CDH18: variants seen among roughly 807,000 people sequenced by gnomAD.
CDH18 encodes the protein cadherin 18, also known as cadherin-18.
A neutral mutation model predicts 67.9 loss-of-function variants in CDH18; 31 were observed. That is an observed-to-expected ratio of 0.46 (90% CI 0.34 to 0.62). The LOEUF (loss-of-function observed/expected upper bound fraction) is 0.62, where lower values mean the gene tolerates loss of function less well. CDH18 is among the 20% of genes least tolerant of loss of function. The pLI is 0.01. For synonymous variants in CDH18, 362 were observed against 347.2 expected, an observed-to-expected ratio of 1.04 and a Z score of -0.48; for missense variants, 890 against 975.5, an observed-to-expected ratio of 0.91 and a Z score of 1.17.
At chr5:19,969,827 T>G (rs887044944) in intron 2 of CDH18, among the ~76,000 whole-genome samples, 4 of 152,048 alleles carry the variant, frequency 2.6e-5, no homozygotes, top group African/African-American at 9.7e-5. Context: ...ACATGTACCC[T>G]AAAACTTAAA....
chr5:20,479,879 A>G (rs1221519335), intron 1 of CDH18, among the ~76,000 whole-genome samples: 1 of 152,202 alleles, frequency 6.6e-6, no homozygotes, highest in Non-Finnish European at 1.5e-5. Context: ...GTAACCTAAA[A>G]GCAGCAAGAG....
At chr5:20,455,307 A>T (rs914242657) in intron 1 of CDH18, among the ~76,000 whole-genome samples, 2 of 152,068 alleles carry the variant, frequency 1.3e-5, no homozygotes, top group East Asian at 3.9e-4. Context: ...GCATGTTCAG[A>T]TTTATAATTT....
At chr5:19,778,719 A>T (rs553369725) in intron 3 of CDH18, among the ~76,000 whole-genome samples, 2 of 152,232 alleles carry the variant, frequency 1.3e-5, no homozygotes, top group South Asian at 4.1e-4. Context: ...AGACCCAAAA[A>T]ATACAGTGGA....
At chr5:20,470,614 C>T (rs1243073997) in intron 1 of CDH18, among the ~76,000 whole-genome samples, 1 of 152,108 alleles carries the variant, frequency 6.6e-6, no homozygotes, top group African/African-American at 2.4e-5. Context: ...ACCTTCACTT[C>T]TGTTAGTATA....
At chr5:20,134,401 G>A (rs1011482832) in intron 2 of CDH18, among the ~76,000 whole-genome samples, 2 of 152,074 alleles carry the variant, frequency 1.3e-5, no homozygotes, top group African/African-American at 4.8e-5. Context: ...TCTAAGCTGT[G>A]TCTAGTCTAC....
chr5:19,583,761 T>C (rs1261512293), intron 7 of CDH18, among the ~76,000 whole-genome samples: 1 of 152,146 alleles, frequency 6.6e-6, no homozygotes. Context: ...CCCTGTAAAG[T>C]GCTTAAACAA....
chr5:20,497,736 C>T (rs1753995417), intron 1 of CDH18, among the ~76,000 whole-genome samples: 1 of 151,992 alleles, frequency 6.6e-6, no homozygotes, highest in South Asian at 2.1e-4. Flanking sequence ...ATAAAAGAGA[C>T]CCTCATGAGA....
chr5:19,897,289 G>C (rs1368529961), intron 2 of CDH18, among the ~76,000 whole-genome samples: 1 of 152,054 alleles, frequency 6.6e-6, no homozygotes, highest in South Asian at 2.1e-4. Context: ...CTTCACTAGA[G>C]TGATATCCCA....
At chr5:19,914,060 C>T (rs1384041249) in intron 2 of CDH18, among the ~76,000 whole-genome samples, 1 of 151,958 alleles carries the variant, frequency 6.6e-6, no homozygotes, top group Non-Finnish European at 1.5e-5. Context: ...ATTTAGCTCA[C>T]AAAAAGGAAA....
chr5:19,747,583 C>A (rs1158459101), intron 3 of CDH18, among the ~76,000 whole-genome samples: 1 of 151,930 alleles, frequency 6.6e-6, no homozygotes, highest in African/African-American at 2.4e-5. Flanking sequence ...TTATTGTTGC[C>A]TTCCATACTT....
chr5:20,403,539 G>A (rs188213176), intron 1 of CDH18, among the ~76,000 whole-genome samples: 1 of 152,130 alleles, frequency 6.6e-6, no homozygotes, highest in African/African-American at 2.4e-5. Flanking sequence ...TTTCAGTCAG[G>A]GTTTTGGGGG....
chr5:19,686,891 T>C (rs1039239267), intron 5 of CDH18, among the ~76,000 whole-genome samples: 4 of 152,150 alleles, frequency 2.6e-5, no homozygotes, highest in Non-Finnish European at 4.4e-5. Context: ...TGGAATTTAA[T>C]AACATTACAA....
rs541500190 is a variant in CDH18, at chr5:20,168,706, G to A, written c.-518+86738C>T. 2.6e-5 allele frequency among the ~76,000 whole-genome samples: 4 copies of A among 152,104 alleles called. No homozygotes were observed. The East Asian group carries it at 7.7e-4, about 29-fold the overall frequency. On this transcript the variant is annotated intron_variant, in intron 2 of 14. Coordinates refer to the CDH18 transcript ENST00000507958. Reference sequence around the variant, plus strand: ...AGAGTATTCCAGTATATTTTTTAAAGACACTTACAATAGCTAAGATTTGGA... The same window carrying A: ...AGAGTATTCCAGTATATTTTTTAAAAACACTTACAATAGCTAAGATTTGGA...
chr5:20,304,688 A>G (rs997884535), intron 1 of CDH18: 2 of 1,611,456 alleles, frequency 1.2e-6, no homozygotes, highest in African/African-American at 2.7e-5. Context: ...TTCTTTTCAG[A>G]TGTCAGCTCC....
chr5:19,872,194 G>A (rs985542551), intron 2 of CDH18, among the ~76,000 whole-genome samples: 2 of 152,136 alleles, frequency 1.3e-5, no homozygotes, highest in Non-Finnish European at 2.9e-5. Context: ...ATTGGCAAGT[G>A]AGATTAGTCA....
At chr5:20,393,879 T>A (rs930648957) in intron 1 of CDH18, among the ~76,000 whole-genome samples, 50 of 151,898 alleles carry the variant, frequency 3.3e-4, no homozygotes, top group African/African-American at 1.2e-3. Flanking sequence ...AGGAGAACTA[T>A]GAAACACTGC....
intron 1 of CDH18, among the ~76,000 whole-genome samples, chr5:20,475,574 T>C (rs1004029321): frequency 2.1e-4 from 32 of 152,358 alleles, no homozygotes; most frequent in African/African-American, 7.0e-4. Context: ...TTGCAGGGTA[T>C]GTATGTCTGT....
intron 6 of CDH18, among the ~76,000 whole-genome samples, chr5:19,610,871 T>C (rs1405526821): frequency 1.3e-5 from 2 of 152,270 alleles, no homozygotes; most frequent in East Asian, 1.9e-4. Context: ...CAATAAAATA[T>C]GGACTTACCT....
At chr5:20,321,758 G>A (rs950295992) in intron 1 of CDH18, among the ~76,000 whole-genome samples, 13 of 151,290 alleles carry the variant, frequency 8.6e-5, no homozygotes, top group Admixed American at 8.6e-4. Context: ...ATTGTCCCCT[G>A]TACATCCAAA....
Sources: allele counts gnomAD v4.1 joint callset (sites outside exome capture counted in the v4.1 genomes callset), GRCh38; gene constraint gnomAD v4.1.1; transcripts MANE v1.5; gene names NCBI Gene and HGNC (gene_info 2026-07-23, HGNC 2026-07-21).